The following OSBPL3 variants were observed in gnomAD, a reference collection of about 807,000 sequenced individuals.
OSBPL3 encodes oxysterol binding protein like 3, also known as oxysterol-binding protein-related protein 3.
A neutral mutation model predicts 120.1 loss-of-function variants in OSBPL3; 65 were observed. The ratio of observed to expected loss-of-function variants is 0.54; its 90% CI spans 0.44 to 0.67. The LOEUF (loss-of-function observed/expected upper bound fraction) is 0.67, where lower values mean the gene tolerates loss of function less well. Ranked by LOEUF, OSBPL3 falls within the 30% of genes least tolerant of loss-of-function variation. The pLI is 0.00. For missense variants in OSBPL3, 1,004 were observed against 1,082.1 expected, an observed-to-expected ratio of 0.93 and a Z score of 1.01; for synonymous variants, 416 against 402.6, an observed-to-expected ratio of 1.03 and a Z score of -0.40.
rs2128097187 is a variant in OSBPL3, at chr7:24,803,310, G to C, written c.2567+1005C>G. Among the ~76,000 whole-genome samples the C allele has an allele frequency of 6.6e-6, 1 of 152,266 alleles. No individual in the cohort carries two copies. Among genetic ancestry groups the C allele is most frequent in the South Asian group, 2.1e-4 (1 of 4,818 alleles). ...TTAAGTTTTTTAAAAAAAGAAAACA[G>C]AAAAACTAAAATCATATAGGCCCTG... On this transcript the variant is annotated intron_variant, in intron 22 of 22. Coordinates refer to ENST00000313367, the MANE Select transcript of OSBPL3 (RefSeq NM_015550.4). The surrounding 1 kb of genome is among the most constrained non-coding windows in gnomAD (Gnocchi z 4.2).
intron 14 of OSBPL3, among the ~76,000 whole-genome samples, chr7:24,839,166 T>C (rs1046142049): frequency 5.3e-5 from 8 of 152,162 alleles, no homozygotes. Context: ...TCCCTCTCCT[T>C]TGTGAAGATA....
chr7:24,909,783 C>CTTTTTT lies in OSBPL3; in HGVS notation c.-149-17168_-149-17163dup, dbSNP rs10591188. Among the ~76,000 whole-genome samples, 83 of 77,294 alleles carry CTTTTTT rather than the reference C, an allele frequency of 1.1e-3. 2 individuals are homozygous for CTTTTTT. The highest frequency in any genetic ancestry group is 3.0e-3 in the East Asian group (6 of 2,006). The allele number at this position is 77,294 out of a possible 152,430, so 50.7% of individuals were successfully genotyped here. On this transcript the variant is annotated intron_variant, in intron 1 of 22. Coordinates refer to ENST00000313367, the MANE Select transcript of OSBPL3 (RefSeq NM_015550.4). The stretch of plus-strand genomic sequence containing the variant: ...GAAAGCTACTGTTTTTTTTTTCTTT[C>CTTTTTT]TTTTTTTTTTTTTTTTTTTTTTTTT...
intron 1 of OSBPL3, among the ~76,000 whole-genome samples, chr7:24,957,266 G>A (rs549424284): frequency 1.4e-4 from 21 of 149,578 alleles, no homozygotes; most frequent in East Asian, 1.9e-4. Flanking sequence ...CCTGCCTTCC[G>A]GTCAATTAAA....
rs1367914492 is a variant in OSBPL3 at position 24,968,133 on chromosome 7, A to T, written c.-150+11753T>A. ...CGTTACCCCTTCCTAGGACAGTCTG[A>T]TGTTATAGCAACCTCTTGTATAATC... is the stretch of plus-strand genomic sequence containing the variant. On this transcript the variant is annotated intron_variant, in intron 1 of 22. Transcript: ENST00000313367. The surrounding 1 kb of genome is among the most constrained non-coding windows in gnomAD (Gnocchi z 4.6). 6.6e-6 allele frequency among the ~76,000 whole-genome samples: 1 copy of T among 152,242 alleles called. No individual in the cohort carries two copies. Among genetic ancestry groups the T allele is most frequent in the Admixed American group, 6.5e-5 (1 of 15,290 alleles).
In OSBPL3 at chr7:24,834,682, G is replaced by A. The variant is rs963697422; in HGVS notation, c.1550C>T (p.Pro517Leu). The A allele has an allele frequency of 5.6e-6, 9 of 1,613,834 alleles. No individual in the cohort carries two copies. The highest frequency in any genetic ancestry group is 4.0e-5 in the African/African-American group (3 of 74,928). The change falls in exon 15 of 23, where the codon CCG becomes CTG. Residue 517 changes from proline (P) to leucine (L), a missense_variant. By Grantham distance (98) the Pro-to-Leu change is moderately conservative. This residue lies in a region of OSBPL3 where 473 missense variants were observed against 568.0 expected (regional missense o/e 0.83). Coordinates refer to ENST00000313367, the MANE Select transcript of OSBPL3 (RefSeq NM_015550.4). This position sits in a 1 kb window ranked among gnomAD's most constrained non-coding sequence, Gnocchi z 5.2. Reference sequence around the variant, plus strand: ...GTTACTGCTGCTCGGGCAGGGCGCCGGCAGGCACGTTCTTCTCCGGGACTT... The same window carrying A: ...GTTACTGCTGCTCGGGCAGGGCGCCAGCAGGCACGTTCTTCTCCGGGACTT... The part of the protein sequence containing the change: ...EAKSRRRTCL[P>L]APCPSSSNIS...
At chr7:24,915,219 G>A (rs1394327940) in intron 1 of OSBPL3, among the ~76,000 whole-genome samples, 1 of 152,110 alleles carries the variant, frequency 6.6e-6, no homozygotes, top group East Asian at 1.9e-4. Flanking sequence ...GTCAAAGAAA[G>A]AAGAAACTCA....
At chr7:24,902,733 A>ATAT (rs1343075883) in intron 1 of OSBPL3, among the ~76,000 whole-genome samples, 4 of 148,004 alleles carry the variant, frequency 2.7e-5, no homozygotes, top group Non-Finnish European at 6.0e-5. Context: ...AATAATAATA[A>ATAT]TAAAGAAAGG....
chr7:24,879,818 C>T lies in OSBPL3; in HGVS notation c.97-7749G>A, dbSNP rs765385412. ...TTCAATGTACATATGACTATTTCCACGCTGTTGATCACTCACTCAGCATTT... is the reference window on the plus strand; with the variant it reads ...TTCAATGTACATATGACTATTTCCATGCTGTTGATCACTCACTCAGCATTT... On this transcript the variant is annotated intron_variant, in intron 2 of 22. Transcript: ENST00000313367. This position sits in a 1 kb window ranked among gnomAD's most constrained non-coding sequence, Gnocchi z 5.6. Among the ~76,000 whole-genome samples, 7 of 152,214 alleles carry T rather than the reference C, an allele frequency of 4.6e-5. No individual in the cohort carries two copies. The highest frequency in any genetic ancestry group is 7.2e-5 in the African/African-American group (3 of 41,452).
At position 24,966,466 on chromosome 7, in the gene OSBPL3, A is replaced by C. The variant is rs1278728005; in HGVS notation, c.-150+13420T>G. ...AATGATGCAGAACTCAAAGTAACAA[A>C]CAAGCTGGAATGTTATTTTGCCCCA... On this transcript the variant is annotated intron_variant, in intron 1 of 22. Coordinates refer to ENST00000313367, the MANE Select transcript of OSBPL3 (RefSeq NM_015550.4). This position sits in a 1 kb window ranked among gnomAD's most constrained non-coding sequence, Gnocchi z 4.8. Among the ~76,000 whole-genome samples the C allele has an allele frequency of 6.6e-6, 1 of 152,226 alleles. No homozygotes were observed. The highest frequency in any genetic ancestry group is 2.4e-5 in the African/African-American group (1 of 41,448).
chr7:24,841,858 C>T (rs1420078382), intron 13 of OSBPL3, among the ~76,000 whole-genome samples: 1 of 151,494 alleles, frequency 6.6e-6, no homozygotes, highest in Non-Finnish European at 1.5e-5. Flanking sequence ...ACTAAAAACA[C>T]AAAAATTAGC....
Position 24,946,349 on chromosome 7 carries a change from T to C in OSBPL3, c.-150+33537A>G, listed in dbSNP as rs570207479. ...TTATTTTTGCCGTACTTTTATTGGTTGGAGCAGACACAAACCAACTCGTAT... is the reference window on the plus strand; with the variant it reads ...TTATTTTTGCCGTACTTTTATTGGTCGGAGCAGACACAAACCAACTCGTAT... On this transcript the variant is annotated intron_variant, in intron 1 of 22. Coordinates refer to ENST00000313367, the MANE Select transcript of OSBPL3 (RefSeq NM_015550.4). The surrounding 1 kb of genome is among the most constrained non-coding windows in gnomAD (Gnocchi z 4.3). Among the ~76,000 whole-genome samples the C allele has an allele frequency of 6.6e-6, 1 of 152,292 alleles. No homozygotes were observed. Among genetic ancestry groups the C allele is most frequent in the South Asian group, 2.1e-4 (1 of 4,822 alleles).
chr7:24,819,670 C>T lies in OSBPL3; in HGVS notation c.1948+505G>A, dbSNP rs779344185. On this transcript the variant is annotated intron_variant, in intron 17 of 22. Transcript: ENST00000313367. The surrounding 1 kb of genome is among the most constrained non-coding windows in gnomAD (Gnocchi z 4.1). Reference sequence around the variant, plus strand: ...GCTTATATGTTCCTTCTACAGTACACTTTTTTTTAATAAATTGAGAGATTA... The same window carrying T: ...GCTTATATGTTCCTTCTACAGTACATTTTTTTTTAATAAATTGAGAGATTA... Among the ~76,000 whole-genome samples, 6 of 151,852 alleles carry T rather than the reference C, an allele frequency of 4.0e-5. No homozygotes were observed. Among genetic ancestry groups the T allele is most frequent in the Non-Finnish European group, 5.9e-5 (4 of 67,974 alleles).
At chr7:24,960,182 A>G (rs112691355) in intron 1 of OSBPL3, among the ~76,000 whole-genome samples, 2 of 152,176 alleles carry the variant, frequency 1.3e-5, no homozygotes, top group African/African-American at 4.8e-5. Flanking sequence ...TGAGAGTACC[A>G]CAGGAGGAGT....
Position 24,817,389 on chromosome 7 carries a change from T to C in OSBPL3, c.1949-701A>G, listed in dbSNP as rs980272757. Among the ~76,000 whole-genome samples the C allele has an allele frequency of 2.6e-5, 4 of 152,016 alleles. No individual in the cohort carries two copies. The highest frequency in any genetic ancestry group is 9.7e-5 in the African/African-American group (4 of 41,366). ...AAAATTAGCTGGGCGTTGTGGTGGG[T>C]GCCTGTAGTCCCAGCTGCTCAGGAG... On this transcript the variant is annotated intron_variant, in intron 17 of 22. Coordinates refer to ENST00000313367, the MANE Select transcript of OSBPL3 (RefSeq NM_015550.4). The surrounding 1 kb of genome is among the most constrained non-coding windows in gnomAD (Gnocchi z 4.0).
In OSBPL3 at chr7:24,938,891, G is replaced by A. The variant is rs1247771196; in HGVS notation, c.-150+40995C>T. 6.7e-6 allele frequency among the ~76,000 whole-genome samples: 1 copy of A among 148,800 alleles called. No homozygotes were observed. The highest frequency in any genetic ancestry group is 1.5e-5 in the Non-Finnish European group (1 of 67,528). ...AAAAAAAAAAAAGATTGTTATTAAGGAAAAAGTATATAATGGGAGGCAACA... is the reference window on the plus strand; with the variant it reads ...AAAAAAAAAAAAGATTGTTATTAAGAAAAAAGTATATAATGGGAGGCAACA... On this transcript the variant is annotated intron_variant, in intron 1 of 22. Coordinates refer to ENST00000313367, the MANE Select transcript of OSBPL3 (RefSeq NM_015550.4). This position sits in a 1 kb window ranked among gnomAD's most constrained non-coding sequence, Gnocchi z 5.8.
rs147915089 is a variant in OSBPL3 at position 24,856,266 on chromosome 7, C to T, written c.1028-3632G>A. Among the ~76,000 whole-genome samples, 125 of 152,088 alleles carry T rather than the reference C, an allele frequency of 8.2e-4. 2 individuals carry two copies. The East Asian group carries it at 0.022, about 27-fold the overall frequency. On this transcript the variant is annotated intron_variant, in intron 10 of 22. Transcript: ENST00000313367. ...CATCTACAGAATGGAACATCATAAG[C>T]GTCGTACAAGTGACTCTTGGTGGTC...
intron 1 of OSBPL3, among the ~76,000 whole-genome samples, chr7:24,910,603 G>A (rs1808677727): frequency 1.3e-5 from 2 of 152,230 alleles, no homozygotes; most frequent in Admixed American, 6.5e-5. Context: ...GAAACTAAGT[G>A]ACAGAAACTT....
intron 1 of OSBPL3, among the ~76,000 whole-genome samples, chr7:24,957,537 A>C (rs1209942808): frequency 1.3e-5 from 2 of 152,324 alleles, no homozygotes; most frequent in Admixed American, 1.3e-4. Context: ...ACTACGCTTC[A>C]ACTTGTTTTG....
chr7:24,961,668 G>A (rs549719472), intron 1 of OSBPL3, among the ~76,000 whole-genome samples: 21 of 152,294 alleles, frequency 1.4e-4, no homozygotes, highest in African/African-American at 4.6e-4. Flanking sequence ...CCAGCCTCCA[G>A]AACTGAATGA....
Sources: allele counts gnomAD v4.1 joint callset (sites outside exome capture counted in the v4.1 genomes callset), GRCh38; gene constraint gnomAD v4.1.1; regional missense constraint gnomAD v4.1.1; non-coding constraint Gnocchi (gnomAD v3.1); transcripts MANE v1.5; gene names NCBI Gene and HGNC (gene_info 2026-07-23, HGNC 2026-07-21).